VWA8: variants seen among roughly 807,000 people sequenced by gnomAD.
VWA8 encodes von Willebrand factor A domain-containing protein 8.
Under a neutral mutation model 241.5 loss-of-function variants are expected in VWA8, and 221 were observed. The observed-to-expected ratio is 0.91, with a 90% CI of 0.82 to 1.02. The LOEUF (loss-of-function observed/expected upper bound fraction) is 1.02, where lower values mean the gene tolerates loss of function less well. Ranked by LOEUF, VWA8 falls within the 50% of genes least tolerant of loss-of-function variation. The pLI, the probability that VWA8 is intolerant of heterozygous loss-of-function variation, is 0.00. For synonymous variants in VWA8, 852 were observed against 827.1 expected, an observed-to-expected ratio of 1.03 and a Z score of -0.52; for missense variants, 2,322 against 2,328.7, an observed-to-expected ratio of 1.00 and a Z score of 0.06.
intron 37 of VWA8, among the ~76,000 whole-genome samples, chr13:41,665,632 A>G (rs2044980949): frequency 1.3e-5 from 2 of 151,920 alleles, no homozygotes; most frequent in African/African-American, 2.4e-5. Flanking sequence ...GAACCGTAAC[A>G]GTTCTAGAGT....
At chr13:41,642,396 A>G (rs2044801527) in intron 37 of VWA8, among the ~76,000 whole-genome samples, 1 of 151,766 alleles carries the variant, frequency 6.6e-6, no homozygotes, top group South Asian at 2.1e-4. Flanking sequence ...TGTCTCTACT[A>G]AAAACACAAA....
chr13:41,866,819 C>T (rs1873335107), intron 10 of VWA8, among the ~76,000 whole-genome samples: 1 of 152,092 alleles, frequency 6.6e-6, no homozygotes, highest in Non-Finnish European at 1.5e-5. Context: ...TCCACAAATC[C>T]TTTTCAGGTT....
chr13:41,824,095 T>C (rs1191495457), intron 14 of VWA8, among the ~76,000 whole-genome samples: 1 of 152,230 alleles, frequency 6.6e-6, no homozygotes. Flanking sequence ...TATCTAAATT[T>C]ACCAACTGGG....
intron 25 of VWA8, among the ~76,000 whole-genome samples, chr13:41,720,362 T>C (rs1032975044): frequency 3.3e-5 from 5 of 152,116 alleles, no homozygotes; most frequent in Non-Finnish European, 5.9e-5. Flanking sequence ...TACGGTTTTA[T>C]AGGCAGAACA....
At chr13:41,923,712 G>A (rs1260377010) in intron 2 of VWA8, among the ~76,000 whole-genome samples, 2 of 151,944 alleles carry the variant, frequency 1.3e-5, no homozygotes, top group Admixed American at 6.6e-5. Context: ...TGGCCACTGA[G>A]GATCCTAATA....
chr13:41,927,905 G>T (rs1210343228), intron 2 of VWA8, among the ~76,000 whole-genome samples: 1 of 152,134 alleles, frequency 6.6e-6, no homozygotes, highest in Non-Finnish European at 1.5e-5. Flanking sequence ...GATGGAAGAA[G>T]ATAAGATATT....
chr13:41,901,679 A>T (rs745849720), intron 4 of VWA8, among the ~76,000 whole-genome samples: 12 of 151,868 alleles, frequency 7.9e-5, no homozygotes, highest in Non-Finnish European at 1.3e-4. Flanking sequence ...AGCCTGGCCA[A>T]CATGGCAAAA....
At chr13:41,882,378 C>T (rs1593842490) in intron 9 of VWA8, among the ~76,000 whole-genome samples, 2 of 151,800 alleles carry the variant, frequency 1.3e-5, no homozygotes, top group Non-Finnish European at 2.9e-5. Context: ...CAGGCAGAGA[C>T]GCTCCTCACT....
intron 21 of VWA8, among the ~76,000 whole-genome samples, chr13:41,736,520 T>C (rs777262258): frequency 6.6e-6 from 1 of 152,198 alleles, no homozygotes; most frequent in African/African-American, 2.4e-5. Flanking sequence ...AGTTAGTATC[T>C]TCTAATTTAT....
chr13:41,606,943 T>C (rs2044557254), intron 39 of VWA8, among the ~76,000 whole-genome samples: 1 of 152,294 alleles, frequency 6.6e-6, no homozygotes, highest in Middle Eastern at 3.4e-3. Context: ...GAAACTCGCA[T>C]ACTTTATTGC....
intron 26 of VWA8, among the ~76,000 whole-genome samples, chr13:41,717,416 T>A (rs2045354734): frequency 6.6e-6 from 1 of 151,990 alleles, no homozygotes; most frequent in African/African-American, 2.4e-5. Flanking sequence ...TAAATTCAAA[T>A]GACCAAAATG....
intron 21 of VWA8, among the ~76,000 whole-genome samples, chr13:41,734,008 T>C (rs1162840460): frequency 6.6e-6 from 1 of 152,188 alleles, no homozygotes; most frequent in East Asian, 1.9e-4. Flanking sequence ...CTAGTAAATG[T>C]TGGGTCAGAG....
At chr13:41,651,421 G>A (rs2044868548) in intron 37 of VWA8, among the ~76,000 whole-genome samples, 1 of 152,202 alleles carries the variant, frequency 6.6e-6, no homozygotes, top group South Asian at 2.1e-4. Flanking sequence ...GTAGAAAGCA[G>A]AGGTAGACTG....
chr13:41,574,756 A>C (rs944823120), intron 43 of VWA8, among the ~76,000 whole-genome samples: 1 of 152,202 alleles, frequency 6.6e-6, no homozygotes, highest in Admixed American at 6.5e-5. Flanking sequence ...GAGAACCCAG[A>C]AATAAAGCCA....
Position 41,568,218 on chromosome 13 carries a change from G to A in VWA8, c.5697C>T (p.Ser1899=). The stretch of plus-strand genomic sequence containing the variant: ...CTTCTTAGACACTCGACAACATGGT[G>A]GAGGTGAAGATCTGTTGTAAAATCT... ...IPQILQQIFT[S]TMLSSV The change falls in exon 45 of 45, where the codon TCC becomes TCT. Residue 1899 remains serine, a synonymous_variant. Transcript: ENST00000379310. 6.2e-7 allele frequency: 1 copy of A among 1,614,042 alleles called. No homozygotes were observed. The highest frequency in any genetic ancestry group is 1.3e-5 in the African/African-American group (1 of 75,044).
chr13:41,841,858 T>TAA (rs1290177603), intron 12 of VWA8, among the ~76,000 whole-genome samples: 2 of 65,580 alleles, frequency 3.0e-5, no homozygotes, highest in Admixed American at 1.6e-4. Flanking sequence ...TATATATATA[T>TAA]AAAAACAGTA....
chr13:41,599,374 T>C (rs1490646411), intron 40 of VWA8, among the ~76,000 whole-genome samples: 1 of 152,154 alleles, frequency 6.6e-6, no homozygotes, highest in African/African-American at 2.4e-5. Context: ...TTATTTCACA[T>C]ACTTCAAATT....
At chr13:41,934,612 A>G (rs892843087) in intron 2 of VWA8, among the ~76,000 whole-genome samples, 1 of 152,192 alleles carries the variant, frequency 6.6e-6, no homozygotes, top group South Asian at 2.1e-4. Context: ...ACTTAGAAAG[A>G]AAAAAACTCA....
intron 28 of VWA8, 146 bp from the exon 29 acceptor site, chr13:41,699,416 G>GA (rs1268124932): frequency 1.3e-6 from 1 of 758,456 alleles, no homozygotes; most frequent in African/African-American, 1.8e-5. Context: ...TGATTAGGCT[G>GA]AAAAGACCAT....
Sources: allele counts gnomAD v4.1 joint callset (sites outside exome capture counted in the v4.1 genomes callset), GRCh38; gene constraint gnomAD v4.1.1; transcripts MANE v1.5; gene names NCBI Gene and HGNC (gene_info 2026-07-23, HGNC 2026-07-21).